The following DYNC2H1 variants were observed in gnomAD, a reference collection of about 807,000 sequenced individuals.
The protein encoded by DYNC2H1 is cytoplasmic dynein 2 heavy chain 1.
A neutral mutation model predicts 570.0 loss-of-function variants in DYNC2H1; 410 were observed. That is an observed-to-expected ratio of 0.72 (90% CI 0.66 to 0.78). The LOEUF (loss-of-function observed/expected upper bound fraction) is 0.78. DYNC2H1 is among the 30% of genes least tolerant of loss of function. DYNC2H1 has a pLI of 0.00. For missense variants in DYNC2H1, 4,865 were observed against 5,046.4 expected, an observed-to-expected ratio of 0.96 and a Z score of 1.09; for synonymous variants, 1,688 against 1,677.6, an observed-to-expected ratio of 1.01 and a Z score of -0.15.
intron 85 of DYNC2H1, among the ~76,000 whole-genome samples, chr11:103,453,323 T>C (rs1944674303): frequency 6.6e-6 from 1 of 151,898 alleles, no homozygotes; most frequent in Non-Finnish European, 1.5e-5. Context: ...ATAATGCTAC[T>C]TCTTTATTTT....
intron 84 of DYNC2H1, among the ~76,000 whole-genome samples, chr11:103,426,327 CTT>C (rs1251963501): frequency 2.0e-5 from 3 of 152,176 alleles, no homozygotes; most frequent in Admixed American, 6.5e-5. Flanking sequence ...CTACTCCACA[CTT>C]TATATTTCTG....
intron 82 of DYNC2H1, among the ~76,000 whole-genome samples, chr11:103,329,651 A>G (rs1426445867): frequency 6.6e-6 from 1 of 151,978 alleles, no homozygotes; most frequent in Non-Finnish European, 1.5e-5. Context: ...CTCTTACAGG[A>G]TTCTGAGTTA....
chr11:103,453,124 G>A (rs1266228574), intron 85 of DYNC2H1, among the ~76,000 whole-genome samples: 1 of 141,552 alleles, frequency 7.1e-6, no homozygotes, highest in East Asian at 2.2e-4. Flanking sequence ...AGAATTATGA[G>A]TATATAGTCT....
At chr11:103,341,420 G>T (rs3847581) in intron 82 of DYNC2H1, among the ~76,000 whole-genome samples, 18,879 of 152,146 alleles carry the variant, frequency 0.12, 2,264 homozygotes, top group African/African-American at 0.31. Context: ...TGCCTTTCCA[G>T]TTAAATTAAA....
chr11:103,457,718 T>C (rs903429882), intron 87 of DYNC2H1, among the ~76,000 whole-genome samples: 1 of 152,176 alleles, frequency 6.6e-6, no homozygotes, highest in Non-Finnish European at 1.5e-5. Flanking sequence ...CAAGTGATCC[T>C]TCTGCCTTGG....
intron 17 of DYNC2H1, among the ~76,000 whole-genome samples, chr11:103,136,499 G>A (rs1859562163): frequency 6.6e-6 from 1 of 151,776 alleles, no homozygotes; most frequent in South Asian, 2.1e-4. Context: ...TCTTGCGATA[G>A]TTTACTGAGA....
rs111547014 is a variant in DYNC2H1 at position 103,289,909 on chromosome 11, T to G, written c.11095+2304T>G. On this transcript the variant is annotated intron_variant, in intron 75 of 88. Coordinates refer to ENST00000375735, the MANE Select transcript of DYNC2H1 (RefSeq NM_001377.3). This position sits in a 1 kb window ranked among gnomAD's most constrained non-coding sequence, Gnocchi z 4.2. ...GTGTCCTTACAAGAAGACATCCATG[T>G]AAAGACAGACACGCAAGGAGAGTAT... Among the ~76,000 whole-genome samples, 5 of 152,306 alleles carry G rather than the reference T, an allele frequency of 3.3e-5. No homozygotes were observed. Among genetic ancestry groups the G allele is most frequent in the African/African-American group, 1.2e-4 (5 of 41,580 alleles).
At position 103,207,223 on chromosome 11, in the gene DYNC2H1, G is replaced by A. The variant is rs1310863206; in HGVS notation, c.8454+2259G>A. 1.5e-4 allele frequency among the ~76,000 whole-genome samples: 10 copies of A among 66,802 alleles called. No individual in the cohort carries two copies. In the East Asian group the frequency reaches 3.2e-3, roughly 21 times the overall value. The allele number at this position is 66,802 out of a possible 152,430, so 43.8% of individuals were successfully genotyped here. ...GGCGTGAGCTACCGTGCCTGGGCCT[G>A]TTTTTTTTTTTTTTTTTTTAAAAAA... is the stretch of plus-strand genomic sequence containing the variant. On this transcript the variant is annotated intron_variant, in intron 52 of 88. Transcript: ENST00000375735.
chr11:103,284,925 G>A (rs1866285657), intron 73 of DYNC2H1, among the ~76,000 whole-genome samples: 1 of 152,140 alleles, frequency 6.6e-6, no homozygotes, highest in Non-Finnish European at 1.5e-5. Context: ...CACTGTTTGA[G>A]GTAGAGGGAT....
intron 52 of DYNC2H1, among the ~76,000 whole-genome samples, chr11:103,208,197 A>G (rs1264343966): frequency 6.6e-6 from 1 of 152,176 alleles, no homozygotes; most frequent in Non-Finnish European, 1.5e-5. Context: ...GAATTGAGAC[A>G]TGAGGGTATT....
At chr11:103,311,349 A>G (rs1300963404) in intron 78 of DYNC2H1, among the ~76,000 whole-genome samples, 1 of 152,178 alleles carries the variant, frequency 6.6e-6, no homozygotes, top group African/African-American at 2.4e-5. Context: ...CTAGTCTGAT[A>G]TATAATTTCA....
At position 103,205,042 on chromosome 11, in the gene DYNC2H1, T is replaced by G; in HGVS notation, c.8454+78T>G. The G allele has an allele frequency of 7.2e-7, 1 of 1,386,292 alleles. No individual in the cohort carries two copies. The highest frequency in any genetic ancestry group is 1.4e-5 in the South Asian group (1 of 73,860). The allele number at this position is 1,386,292 out of a possible 1,614,324, so 85.9% of individuals were successfully genotyped here. On this transcript the variant is annotated intron_variant, in intron 52 of 88. Transcript: ENST00000375735. The surrounding 1 kb of genome is among the most constrained non-coding windows in gnomAD (Gnocchi z 4.5). ...ATTGATTTTCACAACTTCTCTTTGG[T>G]GTTGGTTATAACATCACCTTAATTA...
chr11:103,119,808 A>G (rs1162736150), intron 6 of DYNC2H1, among the ~76,000 whole-genome samples: 1 of 152,164 alleles, frequency 6.6e-6, no homozygotes, highest in Non-Finnish European at 1.5e-5. Flanking sequence ...TTACTTAGTT[A>G]TCAATGCTGT....
Position 103,286,343 on chromosome 11 carries a change from A to T in DYNC2H1, c.10979A>T (p.Glu3660Val). Reference sequence around the variant, plus strand: ...TATAATAATTCAATGTGTGAGCAAGAGTTTCCATCTATCCTTGCAAAGAAA... The same window carrying T: ...TATAATAATTCAATGTGTGAGCAAGTGTTTCCATCTATCCTTGCAAAGAAA... Reference protein sequence around the residue: ...TYYNNSMCEQEFPSILAKKVS... With the variant: ...TYYNNSMCEQVFPSILAKKVS... The change falls in exon 74 of 89, where the codon GAG becomes GTG. Residue 3660 changes from glutamate to valine, a missense_variant. Physicochemically the swap from Glu to Val is moderately radical, Grantham distance 121. Transcript: ENST00000375735. 1 of 1,613,630 alleles carries T rather than the reference A, an allele frequency of 6.2e-7. No individual in the cohort carries two copies. The highest frequency in any genetic ancestry group is 1.1e-5 in the South Asian group (1 of 90,932).
chr11:103,148,379 T>C lies in DYNC2H1; in HGVS notation c.2819-111T>C, dbSNP rs1242054181. ...AAAGCAAATGATAATTTAGAACTTATTGTATTCCATGTACTGATTACTTCT... is the reference window on the plus strand; with the variant it reads ...AAAGCAAATGATAATTTAGAACTTACTGTATTCCATGTACTGATTACTTCT... On this transcript the variant is annotated intron_variant, in intron 19 of 88. Coordinates refer to ENST00000375735, the MANE Select transcript of DYNC2H1 (RefSeq NM_001377.3). The C allele has an allele frequency of 2.1e-5, 23 of 1,088,234 alleles. No individual in the cohort carries two copies. The East Asian group carries it at 2.3e-4, about 11-fold the overall frequency. 67.4% of individuals were successfully genotyped at this position (1,088,234 alleles called of 1,614,324 possible).
intron 44 of DYNC2H1, 35 bp downstream of exon 44, chr11:103,188,683 G>A (rs1862175436): frequency 1.4e-6 from 2 of 1,427,494 alleles, no homozygotes; most frequent in Non-Finnish European, 1.9e-6. Flanking sequence ...TTTTAATTTG[G>A]GAAGATATCA....
chr11:103,401,614 G>A (rs1942647592), intron 84 of DYNC2H1, among the ~76,000 whole-genome samples: 1 of 152,130 alleles, frequency 6.6e-6, no homozygotes, highest in Admixed American at 6.6e-5. Flanking sequence ...CATAGCAACT[G>A]TGTAACCTTG....
At chr11:103,112,010 G>A (rs962199625) in intron 1 of DYNC2H1, among the ~76,000 whole-genome samples, 4 of 152,166 alleles carry the variant, frequency 2.6e-5, no homozygotes, top group African/African-American at 7.2e-5. Context: ...GATAAGTGCC[G>A]TTAAGATAAA....
intron 48 of DYNC2H1, 64 bp downstream of exon 48, chr11:103,198,127 T>C (rs1862574150): frequency 1.4e-6 from 2 of 1,473,622 alleles, no homozygotes; most frequent in East Asian, 4.9e-5. Flanking sequence ...AAATATTTAT[T>C]GTAAATATTT....
Sources: allele counts gnomAD v4.1 joint callset (sites outside exome capture counted in the v4.1 genomes callset), GRCh38; gene constraint gnomAD v4.1.1; non-coding constraint Gnocchi (gnomAD v3.1); transcripts MANE v1.5; gene names NCBI Gene and HGNC (gene_info 2026-07-23, HGNC 2026-07-21).